Variants in TRAPPC6B observed in about 807,000 individuals in gnomAD.
TRAPPC6B encodes trafficking protein particle complex subunit 6B.
A neutral mutation model predicts 24.7 loss-of-function variants in TRAPPC6B; 27 were observed. The observed-to-expected ratio is 1.09, with a 90% CI of 0.81 to 1.51. The LOEUF (loss-of-function observed/expected upper bound fraction) is 1.51. Among genes scored for constraint, TRAPPC6B ranks in the 40% most tolerant of loss-of-function variants. The probability of loss-of-function intolerance (pLI) is 0.00; values close to 1 mark genes in which losing one functional copy is unlikely to be tolerated. For missense variants in TRAPPC6B, 212 were observed against 190.8 expected (o/e 1.11, Z -0.66); for synonymous variants, 80 against 66.6 (o/e 1.20, Z -0.98).
chr14:39,150,874 T>C (rs2052903298), intron 5 of TRAPPC6B, among the ~76,000 whole-genome samples: 1 of 152,156 alleles, frequency 6.6e-6, no homozygotes. Context: ...ATATGGTTTG[T>C]TGAGTAAGCA....
chr14:39,153,562 T>C (rs1055270870), intron 4 of TRAPPC6B, among the ~76,000 whole-genome samples: 2 of 149,052 alleles, frequency 1.3e-5, no homozygotes, highest in African/African-American at 5.0e-5. Context: ...CCCGGGGGGG[T>C]CAAGGTCAAG....
Position 39,148,855 on chromosome 14 carries a change from T to A in TRAPPC6B, c.*1495A>T, listed in dbSNP as rs754492613. On this transcript the variant is annotated 3_prime_UTR_variant, in exon 6 of 6. Coordinates refer to ENST00000330149, the MANE Select transcript of TRAPPC6B (RefSeq NM_001079537.2). ...CAGAGTGTACTTACACAAACCTAGA[T>A]GGTATGATCTACTATACACCTAAGC... 1.0e-5 allele frequency: 4 copies of A among 397,808 alleles called. No homozygotes were observed. The highest frequency in any genetic ancestry group is 3.6e-5 in the East Asian group (1 of 27,982). The allele number at this position is 397,808 out of a possible 1,614,324, so 24.6% of individuals were successfully genotyped here.
At chr14:39,156,867 T>C (rs994516459) in intron 3 of TRAPPC6B, 12 of 152,538 alleles carry the variant, frequency 7.9e-5, no homozygotes, top group African/African-American at 2.7e-4. Context: ...TCCCAGCACA[T>C]TGGGAGGCCG....
In TRAPPC6B at chr14:39,155,101, T is replaced by C. The variant is rs556197040; in HGVS notation, c.268-807A>G. On this transcript the variant is annotated intron_variant, in intron 3 of 5. Coordinates refer to ENST00000330149, the MANE Select transcript of TRAPPC6B (RefSeq NM_001079537.2). ...ATGCCACCACACCCGGCTAGTTTTA[T>C]TAATTTTTTGTAGAAAGGGGGTCTC... Among the ~76,000 whole-genome samples, 10 of 152,124 alleles carry C rather than the reference T, an allele frequency of 6.6e-5. No homozygotes were observed. The East Asian group carries it at 1.2e-3, about 18-fold the overall frequency.
Position 39,150,354 on chromosome 14 carries a change from A to G in TRAPPC6B, c.473T>C (p.Leu158Pro). Residue 158 changes from leucine (L) to proline (P), a missense_variant, in exon 6 of 6, where the codon CTG becomes CCG. Physicochemically the swap from Leu to Pro is moderately conservative, Grantham distance 98 (BLOSUM62 -3). Transcript: ENST00000330149. ...AGCCTTGCATTTCAGTATGTTCTAC[A>G]GCTTCTGTATCATCACCTGAAATTT... ...ACKFQVMIQK[L>P] The G allele has an allele frequency of 3.8e-6, 6 of 1,586,140 alleles. No homozygotes were observed. Among genetic ancestry groups the G allele is most frequent in the Non-Finnish European group, 5.1e-6 (6 of 1,172,690 alleles).
chr14:39,165,229 T>C (rs1312383401), intron 1 of TRAPPC6B, among the ~76,000 whole-genome samples: 1 of 152,172 alleles, frequency 6.6e-6, no homozygotes, highest in Admixed American at 6.5e-5. Flanking sequence ...GTATTTTTAG[T>C]AGAGATGGGG....
At chr14:39,159,447 T>C in intron 2 of TRAPPC6B, 36 bp downstream of exon 2, 1 of 1,495,074 alleles carries the variant, frequency 6.7e-7, no homozygotes, top group Non-Finnish European at 9.1e-7. Flanking sequence ...GTTTATAACC[T>C]ACCTGCAAGA....
At chr14:39,164,144 G>T (rs548583655) in intron 1 of TRAPPC6B, among the ~76,000 whole-genome samples, 1 of 152,136 alleles carries the variant, frequency 6.6e-6, no homozygotes, top group South Asian at 2.1e-4. Context: ...CCTACTTTGT[G>T]TCATCTTCTA....
chr14:39,168,215 T>TG (rs1463699969), intron 1 of TRAPPC6B, among the ~76,000 whole-genome samples: 7 of 124,898 alleles, frequency 5.6e-5, no homozygotes, highest in Non-Finnish European at 9.9e-5. Context: ...AAACTCCATC[T>TG]AAAAAAAAAA....
chr14:39,165,345 TCA>T (rs1216955368), intron 1 of TRAPPC6B, among the ~76,000 whole-genome samples: 16 of 152,106 alleles, frequency 1.1e-4, no homozygotes, highest in Non-Finnish European at 1.9e-4. Flanking sequence ...CGCCTGGCAT[TCA>T]CATTCTTTAA....
At position 39,148,783 on chromosome 14, in the gene TRAPPC6B, TTC is replaced by T. The variant is rs1410565588; in HGVS notation, c.*1565_*1566del. On this transcript the variant is annotated 3_prime_UTR_variant, in exon 6 of 6. Transcript: ENST00000330149. ...TGCATTGCTTAGCAAAGGGGATACA[TTC>T]TGAGAAATGCATCATCATTAGGAGA... 2 of 398,318 alleles carry T rather than the reference TTC, an allele frequency of 5.0e-6. No individual in the cohort carries two copies. The highest frequency in any genetic ancestry group is 4.1e-5 in the African/African-American group (2 of 48,624). 24.7% of individuals were successfully genotyped at this position (398,318 alleles called of 1,614,324 possible).
At chr14:39,168,119 A>G (rs938005131) in intron 1 of TRAPPC6B, among the ~76,000 whole-genome samples, 1 of 151,760 alleles carries the variant, frequency 6.6e-6, no homozygotes, top group Non-Finnish European at 1.5e-5. Flanking sequence ...AGGAGGCTGA[A>G]GCAGGAGAAT....
intron 1 of TRAPPC6B, among the ~76,000 whole-genome samples, chr14:39,168,335 G>A (rs2053130343): frequency 6.6e-6 from 1 of 152,084 alleles, no homozygotes; most frequent in South Asian, 2.1e-4. Flanking sequence ...AGTAAAAGGG[G>A]TGTGTTAACT....
chr14:39,159,613 T>C, intron 1 of TRAPPC6B, 63 bp from the exon 2 acceptor site: 1 of 1,276,976 alleles, frequency 7.8e-7, no homozygotes, highest in Non-Finnish European at 1.1e-6. Context: ...ATTCAGAAAT[T>C]GTTTTACAAG....
intron 5 of TRAPPC6B, 117 bp downstream of exon 5, chr14:39,151,629 G>A: frequency 1.4e-6 from 1 of 738,968 alleles, no homozygotes; most frequent in South Asian, 2.0e-5. Context: ...GTGTTACATT[G>A]ATAAAACTAA....
At chr14:39,160,213 A>G (rs1034863851) in intron 1 of TRAPPC6B, among the ~76,000 whole-genome samples, 2 of 152,142 alleles carry the variant, frequency 1.3e-5, no homozygotes, top group African/African-American at 2.4e-5. Flanking sequence ...ACCTAACCCA[A>G]CACCATCTTA....
At chr14:39,150,980 A>G (rs1278539591) in intron 5 of TRAPPC6B, among the ~76,000 whole-genome samples, 4 of 152,010 alleles carry the variant, frequency 2.6e-5, no homozygotes, top group African/African-American at 9.7e-5. Flanking sequence ...GCTCAAGTCC[A>G]TTTTTTCTTG....
At chr14:39,165,181 G>A (rs1389143279) in intron 1 of TRAPPC6B, among the ~76,000 whole-genome samples, 1 of 152,010 alleles carries the variant, frequency 6.6e-6, no homozygotes, top group Non-Finnish European at 1.5e-5. Context: ...GAGTAGCTGG[G>A]ACTACAGGCG....
At chr14:39,151,652 A>G in intron 5 of TRAPPC6B, 94 bp downstream of exon 5, 2 of 882,212 alleles carry the variant, frequency 2.3e-6, no homozygotes, top group Non-Finnish European at 3.5e-6. Context: ...TGAAAGTTTC[A>G]GCATTTTAAA....
Sources: allele counts gnomAD v4.1 joint callset (sites outside exome capture counted in the v4.1 genomes callset), GRCh38; gene constraint gnomAD v4.1.1; transcripts MANE v1.5; gene names NCBI Gene and HGNC (gene_info 2026-07-23, HGNC 2026-07-21).